PCDHGA2: variants seen among roughly 807,000 people sequenced by gnomAD.
PCDHGA2 encodes protocadherin gamma subfamily A, 2, also known as protocadherin gamma-A2.
A neutral mutation model predicts 59.2 loss-of-function variants in PCDHGA2; 40 were observed. The observed-to-expected ratio is 0.68, with a 90% CI of 0.52 to 0.88. The LOEUF (loss-of-function observed/expected upper bound fraction) is 0.88, where lower values mean the gene tolerates loss of function less well. PCDHGA2 is among the 40% of genes least tolerant of loss of function. The probability of loss-of-function intolerance (pLI) is 0.00; values close to 1 mark genes in which losing one functional copy is unlikely to be tolerated. For synonymous variants in PCDHGA2, 560 were observed against 526.0 expected, an observed-to-expected ratio of 1.06 and a Z score of -0.89; for missense variants, 1,226 against 1,204.0, an observed-to-expected ratio of 1.02 and a Z score of -0.27.
intron 1 of PCDHGA2, among the ~76,000 whole-genome samples, chr5:141,387,074 C>G (rs1268463514): frequency 6.6e-6 from 1 of 152,172 alleles, no homozygotes. Flanking sequence ...GAGTAGGCTA[C>G]TGCCTGTGAT....
chr5:141,362,542 G>A, intron 1 of PCDHGA2: 1 of 1,613,768 alleles, frequency 6.2e-7, no homozygotes, highest in Non-Finnish European at 8.5e-7. Context: ...TTTTGCCTCA[G>A]ATACTATTTT....
chr5:141,389,490 G>T, intron 1 of PCDHGA2: 1 of 1,613,044 alleles, frequency 6.2e-7, no homozygotes, highest in South Asian at 1.1e-5. Flanking sequence ...CCGCGACCAG[G>T]GCTCGCCAGC....
At chr5:141,452,134 T>C (rs539377216) in intron 1 of PCDHGA2, among the ~76,000 whole-genome samples, 2 of 152,344 alleles carry the variant, frequency 1.3e-5, no homozygotes, top group South Asian at 2.1e-4. Flanking sequence ...ATATGGCTCA[T>C]GTGTTTTTTC....
chr5:141,489,348 G>T lies in PCDHGA2; in HGVS notation c.2425-5459G>T. On this transcript the variant is annotated intron_variant, in intron 1 of 3. Coordinates refer to ENST00000394576, the MANE Select transcript of PCDHGA2 (RefSeq NM_018915.4). The surrounding 1 kb of genome is among the most constrained non-coding windows in gnomAD (Gnocchi z 4.5). ...CTGGGCAGCTTCGTTACTCAGTGGT[G>T]GAGGAGTCTGAGCCGGGGACGCTGG... is the stretch of plus-strand genomic sequence containing the variant. 1 of 1,611,876 alleles carries T rather than the reference G, an allele frequency of 6.2e-7. No homozygotes were observed. The highest frequency in any genetic ancestry group is 8.5e-7 in the Non-Finnish European group (1 of 1,178,502).
Position 141,339,794 on chromosome 5 carries a change from G to C in PCDHGA2, c.823G>C (p.Ala275Pro). Residue 275 changes from alanine (A) to proline (P), a missense_variant, in exon 1 of 4, where the codon GCT becomes CCT. Physicochemically the swap from Ala to Pro is conservative, Grantham distance 27. Coordinates refer to ENST00000394576, the MANE Select transcript of PCDHGA2 (RefSeq NM_018915.4). ...CACTGACGCAGATGAGGGCTACTACGCTCAAGTGGTATATTTTCTAGAGAA... is the reference window on the plus strand; with the variant it reads ...CACTGACGCAGATGAGGGCTACTACCCTCAAGTGGTATATTTTCTAGAGAA... ...TATDADEGYY[A>P]QVVYFLEKSP... 6.2e-7 allele frequency: 1 copy of C among 1,614,182 alleles called. No individual in the cohort carries two copies. The highest frequency in any genetic ancestry group is 2.2e-5 in the East Asian group (1 of 44,882).
intron 1 of PCDHGA2, chr5:141,376,036 G>T: frequency 6.2e-7 from 1 of 1,613,116 alleles, no homozygotes; most frequent in Non-Finnish European, 8.5e-7. Context: ...ACCACGGCCA[G>T]CCCCCTCTCT....
rs759437302 is a variant in PCDHGA2, at chr5:141,476,861, T to C, written c.2425-17946T>C. On this transcript the variant is annotated intron_variant, in intron 1 of 3. Transcript: ENST00000394576. The surrounding 1 kb of genome is among the most constrained non-coding windows in gnomAD (Gnocchi z 7.6). Reference sequence around the variant, plus strand: ...TGCGCCTGTCTTCAACCAGTCCTTGTACCGGGCGCGCGTCCTGGAGGATGC... The same window carrying C: ...TGCGCCTGTCTTCAACCAGTCCTTGCACCGGGCGCGCGTCCTGGAGGATGC... 6.2e-7 allele frequency: 1 copy of C among 1,613,864 alleles called. No individual in the cohort carries two copies. The highest frequency in any genetic ancestry group is 1.7e-5 in the Admixed American group (1 of 60,034).
chr5:141,494,434 T>A (rs976526647), intron 1 of PCDHGA2, among the ~76,000 whole-genome samples: 2 of 152,166 alleles, frequency 1.3e-5, no homozygotes, highest in Middle Eastern at 3.2e-3. Flanking sequence ...AAAAGCCTCC[T>A]TTGCCACTTT....
chr5:141,355,132 G>C (rs1258521483), intron 1 of PCDHGA2: 2 of 1,519,092 alleles, frequency 1.3e-6, no homozygotes, highest in African/African-American at 2.8e-5. Flanking sequence ...GGACCCAGAA[G>C]ATCCTGGGGC....
At chr5:141,462,235 C>T (rs1389326284) in intron 1 of PCDHGA2, among the ~76,000 whole-genome samples, 1 of 152,206 alleles carries the variant, frequency 6.6e-6, no homozygotes, top group African/African-American at 2.4e-5. Flanking sequence ...GCAGGGATTA[C>T]AGGTATGAGC....
intron 1 of PCDHGA2, among the ~76,000 whole-genome samples, chr5:141,479,129 C>T (rs2099488562): frequency 6.6e-6 from 1 of 152,154 alleles, no homozygotes; most frequent in South Asian, 2.1e-4. Context: ...AAATGATGTG[C>T]ACCCTGCTTA....
At chr5:141,460,983 G>GTGTA (rs1554142949) in intron 1 of PCDHGA2, among the ~76,000 whole-genome samples, 1,579 of 137,794 alleles carry the variant, frequency 0.011, 39 homozygotes, top group African/African-American at 0.038. Context: ...GTGTGTGTGT[G>GTGTA]TATATATATA....
Position 141,477,350 on chromosome 5 carries a change from A to G in PCDHGA2, c.2425-17457A>G. The G allele has an allele frequency of 6.2e-7, 1 of 1,614,142 alleles. No individual in the cohort carries two copies. Among genetic ancestry groups the G allele is most frequent in the Non-Finnish European group, 8.5e-7 (1 of 1,180,016 alleles). On this transcript the variant is annotated intron_variant, in intron 1 of 3. Transcript: ENST00000394576. The surrounding 1 kb of genome is among the most constrained non-coding windows in gnomAD (Gnocchi z 4.9). ...CAAGAATTACTTCACTTTGAAAACC[A>G]GTGCAGACCTGGATCGGGAGACTGT...
chr5:141,409,591 G>A (rs72790040), intron 1 of PCDHGA2: 42,493 of 1,613,766 alleles, frequency 0.026, 744 homozygotes, highest in East Asian at 0.041. Context: ...ACGTGGCCGA[G>A]AACAACCCGC....
At chr5:141,403,524 A>T in intron 1 of PCDHGA2, 1 of 1,613,890 alleles carries the variant, frequency 6.2e-7, no homozygotes. Context: ...GGAGCCATAA[A>T]CCCAGAGCTG....
At chr5:141,356,773 T>C in intron 1 of PCDHGA2, 1 of 1,613,940 alleles carries the variant, frequency 6.2e-7, no homozygotes, top group Non-Finnish European at 8.5e-7. Flanking sequence ...CTATGAGCAG[T>C]TTAGAGACCT....
chr5:141,478,672 A>G (rs1216792401), intron 1 of PCDHGA2: 22 of 1,551,540 alleles, frequency 1.4e-5, no homozygotes, highest in Admixed American at 2.0e-5. Flanking sequence ...CACACTTTCA[A>G]CTGGCCCTTC....
Position 141,490,854 on chromosome 5 carries a change from C to T in PCDHGA2, c.2425-3953C>T. On this transcript the variant is annotated intron_variant, in intron 1 of 3. Transcript: ENST00000394576. The surrounding 1 kb of genome is among the most constrained non-coding windows in gnomAD (Gnocchi z 5.4). The stretch of plus-strand genomic sequence containing the variant: ...TGCAGATTGTGGTGGGGGTTCGAGA[C>T]TCCGGCTCTCCCCCATTGCATGCCA... 6.2e-7 allele frequency: 1 copy of T among 1,613,900 alleles called. No homozygotes were observed. The highest frequency in any genetic ancestry group is 8.5e-7 in the Non-Finnish European group (1 of 1,179,914).
At chr5:141,357,689 A>C in intron 1 of PCDHGA2, 1 of 1,561,198 alleles carries the variant, frequency 6.4e-7, no homozygotes, top group Non-Finnish European at 8.7e-7. Context: ...AATGTCTCTC[A>C]TTTTATATGT....
Sources: gnomAD v4.1 joint callset for allele counts (sites outside exome capture counted in the v4.1 genomes callset) on GRCh38, gnomAD v4.1.1 for gene constraint, Gnocchi (gnomAD v3.1) non-coding constraint, MANE v1.5 for transcripts, NCBI Gene and HGNC (gene_info 2026-07-23, HGNC 2026-07-21) for gene names.